Variants in NMRK1 observed in about 807,000 individuals in gnomAD.
NMRK1 encodes NRK 1.
A neutral mutation model predicts 29.9 loss-of-function variants in NMRK1; 28 were observed. The observed-to-expected ratio is 0.94, with a 90% CI of 0.69 to 1.28. The LOEUF (loss-of-function observed/expected upper bound fraction) is 1.28, where lower values mean the gene tolerates loss of function less well. NMRK1 is among the 50% of genes most tolerant of loss of function. The pLI is 0.00. For missense variants in NMRK1, 218 were observed against 233.1 expected, an observed-to-expected ratio of 0.94 and a Z score of 0.42; for synonymous variants, 58 against 73.0, an observed-to-expected ratio of 0.79 and a Z score of 1.05.
intron 8 of NMRK1, among the ~76,000 whole-genome samples, chr9:75,061,862 G>A (rs1823039762): frequency 6.6e-6 from 1 of 152,166 alleles, no homozygotes; most frequent in Admixed American, 6.6e-5. Flanking sequence ...AAACCACAAA[G>A]GGTAGTTGTC....
rs1418082049 is a variant in NMRK1, at chr9:75,061,250, G to GTT, written c.*296_*297dup. On this transcript the variant is annotated 3_prime_UTR_variant, in exon 9 of 9. Transcript: ENST00000361092. ...CTTACTCTGAGCTCCAGTTAGAAAA[G>GTT]TTTGACAATCATTGTTATAGAGCTA... 2.9e-6 allele frequency: 1 copy of GTT among 349,418 alleles called. No individual in the cohort carries two copies. Among genetic ancestry groups the GTT allele is most frequent in the African/African-American group, 2.1e-5 (1 of 47,662 alleles). The allele number at this position is 349,418 out of a possible 1,614,324, so 21.6% of individuals were successfully genotyped here. A position where few individuals can be genotyped will look rare whatever the true frequency, so the allele number is the denominator to read the frequency against.
intron 7 of NMRK1, 124 bp from the exon 8 acceptor site, chr9:75,066,964 T>C: frequency 1.7e-6 from 1 of 599,576 alleles, no homozygotes; most frequent in Admixed American, 3.2e-5. Context: ...GGACCATAAC[T>C]TAAAAGGAAA....
chr9:75,079,976 C>T (rs1262873733), intron 2 of NMRK1, among the ~76,000 whole-genome samples: 1 of 152,150 alleles, frequency 6.6e-6, no homozygotes, highest in Non-Finnish European at 1.5e-5. Flanking sequence ...CCCTTCTTTG[C>T]TCACAACACC....
chr9:75,086,405 C>T (rs1824633759), intron 1 of NMRK1, among the ~76,000 whole-genome samples: 1 of 152,146 alleles, frequency 6.6e-6, no homozygotes, highest in African/African-American at 2.4e-5. Flanking sequence ...GTTTATTTTC[C>T]CAGTGCGTGC....
At chr9:75,083,007 GT>G (rs1824404961) in intron 2 of NMRK1, 79 bp downstream of exon 2, 1 of 1,018,398 alleles carries the variant, frequency 9.8e-7, no homozygotes, top group Admixed American at 1.7e-5. Flanking sequence ...CTGCTTCTCC[GT>G]CCCCCACTCC....
At chr9:75,084,914 T>C (rs1008067553) in intron 1 of NMRK1, among the ~76,000 whole-genome samples, 3 of 152,254 alleles carry the variant, frequency 2.0e-5, no homozygotes, top group African/African-American at 4.8e-5. Flanking sequence ...ACAATGAATA[T>C]TGTAAAATAC....
intron 7 of NMRK1, 106 bp from the exon 8 acceptor site, chr9:75,066,946 G>A (rs1404427354): frequency 3.0e-6 from 2 of 671,480 alleles, no homozygotes. Flanking sequence ...GTTTAACCAA[G>A]GCACCCAGGA....
rs773174854 is a variant in NMRK1 at position 75,061,567 on chromosome 9, C to T, written c.581G>A (p.Cys194Tyr). Residue 194 changes from cysteine (C) to tyrosine (Y), a missense_variant and splice_region_variant, in exon 9 of 9, where the codon TGT becomes TAT. Physicochemically the swap from Cys to Tyr is radical, Grantham distance 194 (BLOSUM62 -2). Coordinates refer to ENST00000361092, the MANE Select transcript of NMRK1 (RefSeq NM_017881.3). ...DLIQELAKQKCLQVTA is the reference protein window; with the variant it reads ...DLIQELAKQKYLQVTA ...CCGTCTTTATGCTGTCACTTGCAAA[C>T]CTTGGGAATAAACATAAAAAGAAAT... is the stretch of plus-strand genomic sequence containing the variant. The T allele has an allele frequency of 1.9e-6, 3 of 1,607,970 alleles. No homozygotes were observed. The African/African-American group carries it at 4.0e-5, about 22-fold the overall frequency.
At chr9:75,086,005 G>A (rs1450575713) in intron 1 of NMRK1, among the ~76,000 whole-genome samples, 3 of 151,410 alleles carry the variant, frequency 2.0e-5, no homozygotes, top group Non-Finnish European at 4.4e-5. Context: ...GGCAGCTTTA[G>A]GGGAGCTCCA....
intron 2 of NMRK1, among the ~76,000 whole-genome samples, chr9:75,079,580 C>T (rs551864763): frequency 3.3e-5 from 5 of 152,110 alleles, no homozygotes; most frequent in South Asian, 2.1e-4. Flanking sequence ...GGAGACAGAT[C>T]GGCTAGAAGA....
chr9:75,083,043 C>A, intron 2 of NMRK1, 44 bp downstream of exon 2: 1 of 1,396,248 alleles, frequency 7.2e-7, no homozygotes, highest in Non-Finnish European at 1.0e-6. Context: ...ACCATTTGGA[C>A]ATCCTCAGTA....
chr9:75,067,674 T>C (rs1430263233), intron 7 of NMRK1, among the ~76,000 whole-genome samples: 3 of 152,130 alleles, frequency 2.0e-5, no homozygotes, highest in Non-Finnish European at 2.9e-5. Flanking sequence ...AGGAGCCTGA[T>C]TAGATTTGCA....
chr9:75,061,892 T>C (rs1823042213), intron 8 of NMRK1, among the ~76,000 whole-genome samples: 1 of 152,242 alleles, frequency 6.6e-6, no homozygotes, highest in Non-Finnish European at 1.5e-5. Context: ...ATCCTTGTTT[T>C]GGAGTGTTAT....
intron 4 of NMRK1, among the ~76,000 whole-genome samples, chr9:75,076,259 G>A (rs1048286317): frequency 6.6e-6 from 1 of 152,170 alleles, no homozygotes; most frequent in Non-Finnish European, 1.5e-5. Context: ...AAAGAATGAA[G>A]TCCTGTCATT....
intron 6 of NMRK1, chr9:75,069,378 G>C (rs1823560598): frequency 2.1e-6 from 1 of 476,320 alleles, no homozygotes; most frequent in East Asian, 3.5e-5. Context: ...GACAAATAGT[G>C]TAAATAACAA....
intron 1 of NMRK1, among the ~76,000 whole-genome samples, chr9:75,086,546 T>A (rs77685328): frequency 0.048 from 7,265 of 152,312 alleles, 216 homozygotes; most frequent in Middle Eastern, 0.082. Flanking sequence ...TTGGGTTTTT[T>A]AAAATAATTC....
At chr9:75,076,437 T>TG (rs770344620) in intron 4 of NMRK1, among the ~76,000 whole-genome samples, 51 of 151,384 alleles carry the variant, frequency 3.4e-4, no homozygotes, top group African/African-American at 1.2e-3. Flanking sequence ...GGGAGGCAGG[T>TG]GGGGGGGAAT....
chr9:75,068,041 CATT>C (rs1272652031), intron 7 of NMRK1, among the ~76,000 whole-genome samples: 1 of 152,134 alleles, frequency 6.6e-6, no homozygotes, highest in African/African-American at 2.4e-5. Context: ...ACCTCAACCT[CATT>C]ATGTGCAAAA....
chr9:75,078,501 A>G lies in NMRK1; in HGVS notation c.30-921T>C, dbSNP rs974216636. 23 of 1,377,290 alleles carry G rather than the reference A, an allele frequency of 1.7e-5. No individual in the cohort carries two copies. In the Admixed American group the frequency reaches 1.8e-4, roughly 11 times the overall value. The allele number at this position is 1,377,290 out of a possible 1,614,324, so 85.3% of individuals were successfully genotyped here. On this transcript the variant is annotated intron_variant, in intron 2 of 8. Transcript: ENST00000361092. ...TACTCCTCTTTAGATCTAGTTTTGCAGCATCGAGGAGATCACACGGGAGGG... is the reference window on the plus strand; with the variant it reads ...TACTCCTCTTTAGATCTAGTTTTGCGGCATCGAGGAGATCACACGGGAGGG...
Sources: allele counts gnomAD v4.1 joint callset (sites outside exome capture counted in the v4.1 genomes callset), GRCh38; gene constraint gnomAD v4.1.1; transcripts MANE v1.5; gene names NCBI Gene and HGNC (gene_info 2026-07-23, HGNC 2026-07-21).